Variants in XPR1 observed in about 807,000 individuals in gnomAD.
XPR1 encodes solute carrier family 53 member 1.
XPR1 carries 28 observed loss-of-function variants against 87.5 expected under a neutral mutation model. That is an observed-to-expected ratio of 0.32 (90% CI 0.24 to 0.44). The LOEUF is 0.44. XPR1 is among the 20% of genes least tolerant of loss of function. The pLI is 1.00. For synonymous variants in XPR1, 300 were observed against 306.1 expected (o/e 0.98, Z 0.21); for missense variants, 559 against 862.3 (o/e 0.65, Z 4.41).
chr1:180,759,116 A>G (rs1270081593), intron 2 of XPR1, among the ~76,000 whole-genome samples: 1 of 152,214 alleles, frequency 6.6e-6, no homozygotes, highest in Admixed American at 6.5e-5. Context: ...CATTCAAAGC[A>G]GTGTGTAGAA....
chr1:180,654,588 C>G (rs1009337511), intron 1 of XPR1, among the ~76,000 whole-genome samples: 2 of 152,062 alleles, frequency 1.3e-5, no homozygotes, highest in African/African-American at 4.8e-5. Context: ...CCCTCTAGTT[C>G]CTGGCAACCA....
chr1:180,785,112 C>G (rs1649091646), intron 2 of XPR1, among the ~76,000 whole-genome samples: 1 of 149,710 alleles, frequency 6.7e-6, no homozygotes, highest in Non-Finnish European at 1.5e-5. Context: ...GAAAACTAAA[C>G]AAACTGCCAG....
rs1649211515 is a variant in XPR1, at chr1:180,787,772, A to G, written c.141A>G (p.Val47=). The G allele has an allele frequency of 1.2e-6, 2 of 1,612,610 alleles. No homozygotes were observed. Among genetic ancestry groups the G allele is most frequent in the Admixed American group, 1.7e-5 (1 of 59,776 alleles). ...TTTCAGTTACAGATGAGGACACAGT[A>G]AAGAGGTATTTTGCCAAGTTTGAAG... ...PSVEVTDEDT[V]KRYFAKFEEK... is the part of the protein sequence containing the mutation. The change falls in exon 3 of 15, where the codon GTA becomes GTG. Residue 47 remains valine (V), a synonymous_variant. Transcript: ENST00000367590.
At chr1:180,803,148 G>C (rs1019443371) in intron 3 of XPR1, among the ~76,000 whole-genome samples, 1 of 152,180 alleles carries the variant, frequency 6.6e-6, no homozygotes, top group African/African-American at 2.4e-5. Context: ...TTCACTCTTA[G>C]TGGCTCTTTA....
intron 2 of XPR1, among the ~76,000 whole-genome samples, chr1:180,787,300 T>C (rs1649187877): frequency 6.6e-6 from 1 of 151,934 alleles, no homozygotes; most frequent in African/African-American, 2.4e-5. Context: ...TTTTTTTGTT[T>C]TTTTTGTTTT....
In XPR1 at chr1:180,692,539, C is replaced by T. The variant is rs146524300; in HGVS notation, c.121+10128C>T. ...TGCCTTATTATTTGTTTCATGTTTA[C>T]ATTGGAAAGTGATTTGCATATTCAT... is the stretch of plus-strand genomic sequence containing the variant. On this transcript the variant is annotated intron_variant, in intron 2 of 14. Coordinates refer to ENST00000367590, the MANE Select transcript of XPR1 (RefSeq NM_004736.4). 1.2e-3 allele frequency among the ~76,000 whole-genome samples: 184 copies of T among 152,086 alleles called. 2 individuals are homozygous for T. Among genetic ancestry groups the T allele is most frequent in the Admixed American group, 2.5e-3 (38 of 15,270 alleles).
chr1:180,772,683 G>C (rs1186264898), intron 2 of XPR1, among the ~76,000 whole-genome samples: 1 of 152,116 alleles, frequency 6.6e-6, no homozygotes, highest in Non-Finnish European at 1.5e-5. Context: ...GAGATTTGAT[G>C]GTTTTAAAAA....
chr1:180,847,603 G>A (rs910402311), intron 11 of XPR1, among the ~76,000 whole-genome samples: 4 of 152,144 alleles, frequency 2.6e-5, no homozygotes, highest in African/African-American at 9.7e-5. Flanking sequence ...TATAACTGGT[G>A]TTAATTGGTA....
chr1:180,826,883 G>A (rs1650863710), intron 9 of XPR1, among the ~76,000 whole-genome samples: 1 of 152,016 alleles, frequency 6.6e-6, no homozygotes, highest in South Asian at 2.1e-4. Context: ...ACCAGGTGCA[G>A]TGGCTCACGC....
At chr1:180,715,951 G>T (rs1657979169) in intron 2 of XPR1, among the ~76,000 whole-genome samples, 1 of 152,122 alleles carries the variant, frequency 6.6e-6, no homozygotes. Flanking sequence ...GGGATTACAG[G>T]TGTAAGTCAC....
At position 180,811,507 on chromosome 1, in the gene XPR1, G is replaced by A; in HGVS notation, c.763+19G>A. 1 of 1,591,428 alleles carries A rather than the reference G, an allele frequency of 6.3e-7. No homozygotes were observed. Among genetic ancestry groups the A allele is most frequent in the Non-Finnish European group, 8.6e-7 (1 of 1,161,570 alleles). On this transcript the variant is annotated intron_variant, in intron 7 of 14. Transcript: ENST00000367590. ...CTTGCCGGTAAGTAGTTTAAATTTT[G>A]AATTAATTTATTCTTACCAATATGC...
chr1:180,708,617 T>C (rs2101979915), intron 2 of XPR1, among the ~76,000 whole-genome samples: 1 of 152,186 alleles, frequency 6.6e-6, no homozygotes, highest in East Asian at 1.9e-4. Context: ...CTGGCATAAC[T>C]GACTCCTATT....
chr1:180,688,750 A>G (rs552814873), intron 2 of XPR1, among the ~76,000 whole-genome samples: 2 of 152,272 alleles, frequency 1.3e-5, no homozygotes, highest in East Asian at 1.9e-4. Context: ...TGGAAAATAT[A>G]AAGTGAAATA....
intron 11 of XPR1, among the ~76,000 whole-genome samples, chr1:180,848,994 T>A (rs942320148): frequency 8.5e-5 from 13 of 152,162 alleles, no homozygotes; most frequent in African/African-American, 3.1e-4. Context: ...GTTAATTTTT[T>A]AAGAAAGAAT....
At chr1:180,878,017 G>A (rs1187338923) in intron 13 of XPR1, 1 of 152,190 alleles carries the variant, frequency 6.6e-6, no homozygotes, top group African/African-American at 2.4e-5. Flanking sequence ...GAGAAAGCAT[G>A]ACTCTGGAAT....
intron 11 of XPR1, among the ~76,000 whole-genome samples, chr1:180,841,122 T>A (rs930368646): frequency 1.3e-5 from 2 of 152,126 alleles, no homozygotes; most frequent in African/African-American, 4.8e-5. Flanking sequence ...AGTTTTTTTT[T>A]AAAGGCATAA....
intron 9 of XPR1, among the ~76,000 whole-genome samples, chr1:180,826,404 T>C (rs544928975): frequency 7.2e-5 from 11 of 152,126 alleles, no homozygotes; most frequent in Non-Finnish European, 1.3e-4. Flanking sequence ...AAAAATTAGC[T>C]GGGTGTGATG....
chr1:180,721,756 T>C (rs1658186281), intron 2 of XPR1, among the ~76,000 whole-genome samples: 1 of 152,192 alleles, frequency 6.6e-6, no homozygotes, highest in African/African-American at 2.4e-5. Context: ...TGTGAAGTCA[T>C]TGAGGATAAA....
intron 9 of XPR1, among the ~76,000 whole-genome samples, chr1:180,834,197 T>G (rs1330876027): frequency 6.6e-6 from 1 of 152,112 alleles, no homozygotes; most frequent in Non-Finnish European, 1.5e-5. Context: ...TTCTCTTGTC[T>G]CAGCCTCCCA....
Sources: gnomAD v4.1 joint callset for allele counts (sites outside exome capture counted in the v4.1 genomes callset) on GRCh38, gnomAD v4.1.1 for gene constraint, MANE v1.5 for transcripts, NCBI Gene and HGNC (gene_info 2026-07-23, HGNC 2026-07-21) for gene names.